MME: variants seen among roughly 807,000 people sequenced by gnomAD.
The protein encoded by MME is membrane metalloendopeptidase.
MME carries 98 observed loss-of-function variants against 113.2 expected under a neutral mutation model. That is an observed-to-expected ratio of 0.87 (90% CI 0.74 to 1.02). MME has a LOEUF of 1.02. Among genes scored for constraint, MME ranks in the 50% least tolerant of loss-of-function variants. The pLI is 0.00. For synonymous variants in MME, 292 were observed against 300.6 expected, an observed-to-expected ratio of 0.97 and a Z score of 0.30; for missense variants, 836 against 896.0, an observed-to-expected ratio of 0.93 and a Z score of 0.86.
At chr3:155,162,574 A>G (rs548089505) in intron 17 of MME, among the ~76,000 whole-genome samples, 10 of 152,288 alleles carry the variant, frequency 6.6e-5, no homozygotes, top group African/African-American at 2.4e-4. Context: ...CTCTTTTCAT[A>G]TGCTTGCCTG....
intron 1 of MME, among the ~76,000 whole-genome samples, chr3:155,040,480 C>T (rs1384580461): frequency 6.6e-6 from 1 of 151,754 alleles, no homozygotes; most frequent in Non-Finnish European, 1.5e-5. Flanking sequence ...TACATAAATA[C>T]ACGCACATAT....
intron 1 of MME, among the ~76,000 whole-genome samples, chr3:155,054,658 A>T (rs1352198225): frequency 6.6e-6 from 1 of 152,172 alleles, no homozygotes; most frequent in African/African-American, 2.4e-5. Flanking sequence ...ATCTACAAAA[A>T]ATACAGAAAT....
chr3:155,085,903 C>G (rs1410743957), intron 3 of MME, among the ~76,000 whole-genome samples: 1 of 152,112 alleles, frequency 6.6e-6, no homozygotes, highest in Admixed American at 6.6e-5. Flanking sequence ...ATTCCAAACA[C>G]AAAAGAAAGA....
intron 8 of MME, among the ~76,000 whole-genome samples, chr3:155,128,831 A>AGGAAACAAAAGAAAGAAGAACCCAATCT (rs1460667519): frequency 2.6e-5 from 4 of 152,168 alleles, no homozygotes; most frequent in African/African-American, 9.7e-5. Flanking sequence ...CAGGGAAGAG[A>AGGAAACAAAAGAAAGAAGAACCCAATCT]GGAAACAAAA....
chr3:155,035,234 TTAA>T (rs1415063565), intron 1 of MME, among the ~76,000 whole-genome samples: 6 of 148,084 alleles, frequency 4.1e-5, no homozygotes, highest in Middle Eastern at 3.6e-3. Context: ...TTATTTAATA[TTAA>T]TAATACTATA....
At chr3:155,132,542 T>A (rs577089220) in intron 8 of MME, among the ~76,000 whole-genome samples, 4 of 152,232 alleles carry the variant, frequency 2.6e-5, no homozygotes, top group South Asian at 2.1e-4. Context: ...ATTTTTTTTT[T>A]AAGAAAAGCT....
chr3:155,067,483 G>A (rs1714421407), intron 1 of MME, among the ~76,000 whole-genome samples: 2 of 151,434 alleles, frequency 1.3e-5, no homozygotes, highest in African/African-American at 4.8e-5. Context: ...GCTAATTTTT[G>A]TATTTTTAGT....
At chr3:155,133,467 AT>A (rs1187422877) in intron 8 of MME, among the ~76,000 whole-genome samples, 2 of 151,740 alleles carry the variant, frequency 1.3e-5, no homozygotes, top group African/African-American at 4.8e-5. Context: ...TGCTTGCCTT[AT>A]ATCAAAGTTC....
chr3:155,162,103 G>A (rs559686216), intron 17 of MME, among the ~76,000 whole-genome samples: 1 of 152,274 alleles, frequency 6.6e-6, no homozygotes, highest in African/African-American at 2.4e-5. Flanking sequence ...AGCAGAATAA[G>A]GGATGCAGCT....
intron 14 of MME, among the ~76,000 whole-genome samples, chr3:155,146,891 T>C (rs1721557521): frequency 6.6e-6 from 1 of 152,142 alleles, no homozygotes; most frequent in African/African-American, 2.4e-5. Context: ...TTGTCAGTTT[T>C]TATGTTGGTT....
chr3:155,107,326 C>G (rs1559921371), intron 3 of MME, among the ~76,000 whole-genome samples: 1 of 145,076 alleles, frequency 6.9e-6, no homozygotes. Context: ...GCACTCCAGC[C>G]TAGGCAACAG....
At chr3:155,047,680 A>C (rs1576669052) in intron 1 of MME, among the ~76,000 whole-genome samples, 2 of 152,320 alleles carry the variant, frequency 1.3e-5, no homozygotes, top group Admixed American at 1.3e-4. Context: ...CAAGGATGAC[A>C]GGAGTTCATT....
intron 3 of MME, among the ~76,000 whole-genome samples, chr3:155,094,400 C>T (rs1716546412): frequency 1.3e-5 from 2 of 152,088 alleles, no homozygotes; most frequent in Admixed American, 6.5e-5. Flanking sequence ...TGTTACACGC[C>T]CTTCAGGGAG....
intron 22 of MME, among the ~76,000 whole-genome samples, chr3:155,175,567 A>G (rs954209333): frequency 2.0e-5 from 3 of 151,928 alleles, no homozygotes; most frequent in Non-Finnish European, 2.9e-5. Context: ...GTAATTTTCT[A>G]TATAATATGT....
At chr3:155,048,611 G>C (rs1042724880) in intron 1 of MME, among the ~76,000 whole-genome samples, 1 of 152,086 alleles carries the variant, frequency 6.6e-6, no homozygotes, top group Non-Finnish European at 1.5e-5. Context: ...GAAACTACCT[G>C]CATACCGTTT....
intron 15 of MME, among the ~76,000 whole-genome samples, chr3:155,147,585 T>A (rs2108323759): frequency 6.6e-6 from 1 of 152,268 alleles, no homozygotes; most frequent in Non-Finnish European, 1.5e-5. Flanking sequence ...TTCTAAGTTT[T>A]CCTCTACTGG....
chr3:155,039,811 A>G (rs1713249301), intron 1 of MME, among the ~76,000 whole-genome samples: 2 of 152,200 alleles, frequency 1.3e-5, no homozygotes, highest in Non-Finnish European at 2.9e-5. Flanking sequence ...TCCCAGTTTC[A>G]TTAAGATATA....
At position 155,042,347 on chromosome 3, in the gene MME, G is replaced by T. The variant is rs1207826195; in HGVS notation, c.-11+18023G>T. ...ATGGACCCACAATTTAACAAAACCA[G>T]TAAGACAGAAACATATAATGAAAAG... On this transcript the variant is annotated intron_variant, in intron 1 of 22. Coordinates refer to the MME transcript ENST00000492661. Among the ~76,000 whole-genome samples the T allele has an allele frequency of 1.9e-4, 29 of 152,214 alleles. No homozygotes were observed. In the South Asian group the frequency reaches 4.6e-3, roughly 24 times the overall value.
upstream of MME, among the ~76,000 whole-genome samples, chr3:155,076,916 A>G (rs1714766814): frequency 2.0e-5 from 3 of 152,350 alleles, no homozygotes; most frequent in South Asian, 6.2e-4. Flanking sequence ...GAGGACCACC[A>G]GCGGTCACTT....
Sources: gnomAD v4.1 joint callset for allele counts (sites outside exome capture counted in the v4.1 genomes callset) on GRCh38, gnomAD v4.1.1 for gene constraint, MANE v1.5 for transcripts, NCBI Gene and HGNC (gene_info 2026-07-23, HGNC 2026-07-21) for gene names.